CDKL5: variants seen among roughly 807,000 people sequenced by gnomAD.
The protein encoded by CDKL5 is cyclin-dependent kinase-like 5.
CDKL5 carries 8 observed loss-of-function variants against 61.7 expected under a neutral mutation model. The observed-to-expected ratio is 0.13, with a 90% CI of 0.08 to 0.23. The LOEUF is 0.23. Ranked by LOEUF, CDKL5 falls within the 10% of genes least tolerant of loss-of-function variation. The pLI, the probability that CDKL5 is intolerant of heterozygous loss-of-function variation, is 1.00. For synonymous variants in CDKL5, 275 were observed against 272.3 expected, an observed-to-expected ratio of 1.01 and a Z score of -0.10; for missense variants, 440 against 734.5, an observed-to-expected ratio of 0.60 and a Z score of 4.63.
chrX:18,506,653 A>G (rs1254815457), intron 1 of CDKL5, among the ~76,000 whole-genome samples: 1 of 111,944 alleles, frequency 8.9e-6, no homozygotes, highest in African/African-American at 3.2e-5. Flanking sequence ...TTAGGAGAGT[A>G]GATAGTGAAA....
intron 1 of CDKL5, among the ~76,000 whole-genome samples, chrX:18,482,404 T>G (rs1458842641): frequency 8.9e-6 from 1 of 112,206 alleles, no homozygotes; most frequent in African/African-American, 3.2e-5. Context: ...TCTTTAGAAT[T>G]TAGACACTAA....
downstream of CDKL5, chrX:18,641,946 C>T (rs1602308628): frequency 8.7e-7 from 1 of 1,155,267 alleles, no homozygotes; most frequent in Non-Finnish European, 1.2e-6. Context: ...GTGAGGGGGT[C>T]CCCTACGGCC....
At chrX:18,566,044 C>T (rs1208903302) in intron 4 of CDKL5, among the ~76,000 whole-genome samples, 2 of 112,165 alleles carry the variant, frequency 1.8e-5, no homozygotes, top group African/African-American at 6.5e-5. Flanking sequence ...CATGTAAAGG[C>T]TTCTGGCTGT....
chrX:18,509,671 G>A (rs1922753440), intron 2 of CDKL5, among the ~76,000 whole-genome samples: 1 of 111,656 alleles, frequency 9.0e-6, no homozygotes, highest in Admixed American at 9.5e-5. Flanking sequence ...CTACTTCTAA[G>A]GAAGAAGTCT....
chrX:18,606,041 C>T (rs1602287810), intron 12 of CDKL5, among the ~76,000 whole-genome samples: 1 of 111,293 alleles, frequency 9.0e-6, no homozygotes, highest in African/African-American at 3.3e-5. Flanking sequence ...ATTGGCTGGG[C>T]GTGGTGGCGT....
chrX:18,516,983 C>T (rs972599877), intron 3 of CDKL5, among the ~76,000 whole-genome samples: 5 of 111,759 alleles, frequency 4.5e-5, no homozygotes, highest in South Asian at 3.7e-4. Flanking sequence ...TGATCCACAA[C>T]GCCTGGGCCT....
chrX:18,534,489 AATT>A (rs1923752161), intron 3 of CDKL5, among the ~76,000 whole-genome samples: 1 of 111,540 alleles, frequency 9.0e-6, no homozygotes, highest in Admixed American at 9.5e-5. Context: ...TTGCACTTTT[AATT>A]ATTGTTTCCC....
chrX:18,527,681 T>G (rs1479210541), intron 3 of CDKL5, among the ~76,000 whole-genome samples: 5 of 111,656 alleles, frequency 4.5e-5, no homozygotes, highest in Non-Finnish European at 9.4e-5. Context: ...GCAGCTTTTG[T>G]TTTTACTGTT....
intron 5 of CDKL5, 140 bp downstream of exon 5, chrX:18,575,630 T>A: frequency 1.8e-6 from 1 of 563,161 alleles, no homozygotes; most frequent in Non-Finnish European, 3.0e-6. Context: ...ATGAAAGTGT[T>A]GTTAATAATC....
chrX:18,595,454 T>C (rs1925961377), intron 10 of CDKL5, 26 bp downstream of exon 10: 4 of 980,297 alleles, frequency 4.1e-6, no homozygotes, highest in Non-Finnish European at 5.8e-6. Context: ...ATTATCTCTA[T>C]AAAATGTCTT....
intron 1 of CDKL5, among the ~76,000 whole-genome samples, chrX:18,495,917 T>G (rs1486185686): frequency 1.8e-5 from 2 of 112,141 alleles, no homozygotes; most frequent in Non-Finnish European, 3.8e-5. Context: ...AATTATCATA[T>G]TTATTGTCTA....
chrX:18,464,031 G>GT (rs752288375), intron 1 of CDKL5, among the ~76,000 whole-genome samples: 1,730 of 102,457 alleles, frequency 0.017, 22 homozygotes, highest in African/African-American at 0.045. Flanking sequence ...TTTTGTTTTT[G>GT]TTTTTTTTTT....
At chrX:18,516,283 C>T (rs763259406) in intron 3 of CDKL5, among the ~76,000 whole-genome samples, 99 of 97,315 alleles carry the variant, frequency 1.0e-3, no homozygotes, top group Non-Finnish European at 1.7e-3. Context: ...GCCTGGCCTA[C>T]GTTTTTTTTT....
In CDKL5 at chrX:18,508,314, A is replaced by G. The variant is rs186194355; in HGVS notation, c.64+1154A>G. Among the ~76,000 whole-genome samples the G allele has an allele frequency of 3.6e-5, 4 of 112,579 alleles. No homozygotes were observed. The East Asian group carries it at 1.1e-3, about 31-fold the overall frequency. On this transcript the variant is annotated intron_variant, in intron 2 of 17. Transcript: ENST00000623535. ...TCCTTTCAAATACATAGAAACAATT[A>G]AAATAAAGAGTTTAATCATTGGATG...
chrX:18,641,967 C>CA, downstream of CDKL5: 3 of 1,207,772 alleles, frequency 2.5e-6, no homozygotes, highest in Non-Finnish European at 3.4e-6. Context: ...CGCTCTGTGC[C>CA]AGTCACCCCC....
At chrX:18,509,179 G>A (rs1049944347) in intron 2 of CDKL5, among the ~76,000 whole-genome samples, 1 of 87,035 alleles carries the variant, frequency 1.1e-5, no homozygotes, top group African/African-American at 4.4e-5. Context: ...ATGAGAGAGC[G>A]AGACTGTCTC....
At chrX:18,565,438 T>G (rs1027622919) in intron 4 of CDKL5, among the ~76,000 whole-genome samples, 16 of 112,312 alleles carry the variant, frequency 1.4e-4, no homozygotes, top group Non-Finnish European at 2.8e-4. Context: ...TCAAATGGAT[T>G]GATTTCACTA....
chrX:18,572,940 G>A (rs1925181663), intron 4 of CDKL5, among the ~76,000 whole-genome samples: 1 of 111,879 alleles, frequency 8.9e-6, no homozygotes, highest in African/African-American at 3.2e-5. Flanking sequence ...TGAAAGAAAA[G>A]TCCAGAACTG....
intron 3 of CDKL5, among the ~76,000 whole-genome samples, chrX:18,556,312 GAT>G (rs1924599829): frequency 9.0e-6 from 1 of 111,267 alleles, no homozygotes; most frequent in Non-Finnish European, 1.9e-5. Context: ...TCTCTTCAGT[GAT>G]GTGTGTGTGT....
Sources: allele counts gnomAD v4.1 joint callset (sites outside exome capture counted in the v4.1 genomes callset), GRCh38; gene constraint gnomAD v4.1.1; transcripts MANE v1.5; gene names NCBI Gene and HGNC (gene_info 2026-07-23, HGNC 2026-07-21).